Variants in LEKR1 observed in about 807,000 individuals in gnomAD.
LEKR1 encodes protein LEKR1.
Under a neutral mutation model 72.4 loss-of-function variants are expected in LEKR1, and 59 were observed. The observed-to-expected ratio is 0.82, with a 90% CI of 0.66 to 1.01. The LOEUF is 1.01. LEKR1 is among the 50% of genes least tolerant of loss of function. LEKR1 has a pLI of 0.00. For missense variants in LEKR1, 728 were observed against 759.2 expected (o/e 0.96, Z 0.48); for synonymous variants, 257 against 263.2 (o/e 0.98, Z 0.23).
At position 157,003,328 on chromosome 3, in the gene LEKR1, T is replaced by C. The variant is rs1732155555; in HGVS notation, c.1110-8085T>C. Among the ~76,000 whole-genome samples the C allele has an allele frequency of 2.6e-5, 4 of 152,238 alleles. 1 individual carries two copies. The South Asian group carries it at 8.3e-4, about 31-fold the overall frequency. ...TCATATTATTGCTGAAGCTGTACAA[T>C]ACCACTTATAGGAAGACCATTGTAT... is the stretch of plus-strand genomic sequence containing the variant. On this transcript the variant is annotated intron_variant, in intron 9 of 12. Coordinates refer to ENST00000356539, the MANE Select transcript of LEKR1 (RefSeq NM_001004316.3).
At chr3:156,841,803 C>T (rs1251437626) in intron 2 of LEKR1, among the ~76,000 whole-genome samples, 1 of 152,158 alleles carries the variant, frequency 6.6e-6, no homozygotes, top group Admixed American at 6.5e-5. Flanking sequence ...TTCCTAGTGA[C>T]TGGGCAGTGT....
At chr3:156,957,000 T>C (rs531148661) in intron 6 of LEKR1, among the ~76,000 whole-genome samples, 1 of 152,074 alleles carries the variant, frequency 6.6e-6, no homozygotes. Context: ...CTTCATTTGG[T>C]GACATAAGTT....
intron 10 of LEKR1, among the ~76,000 whole-genome samples, chr3:157,023,518 A>G (rs1733980824): frequency 6.6e-6 from 1 of 152,196 alleles, no homozygotes; most frequent in South Asian, 2.1e-4. Flanking sequence ...AGTCAGTAGT[A>G]GAGACTGAAG....
intron 9 of LEKR1, among the ~76,000 whole-genome samples, chr3:157,010,808 T>C (rs1732829597): frequency 6.6e-6 from 1 of 152,100 alleles, no homozygotes; most frequent in Non-Finnish European, 1.5e-5. Context: ...GATCTGCTTA[T>C]GTGGATTAAG....
chr3:156,949,106 A>G (rs1726933535), intron 6 of LEKR1, among the ~76,000 whole-genome samples: 1 of 151,238 alleles, frequency 6.6e-6, no homozygotes, highest in African/African-American at 2.4e-5. Flanking sequence ...CCCATTCTGT[A>G]AGTTGTCTGT....
chr3:156,921,794 C>T (rs7635251), intron 4 of LEKR1, among the ~76,000 whole-genome samples: 14 of 152,278 alleles, frequency 9.2e-5, no homozygotes, highest in African/African-American at 3.1e-4. Flanking sequence ...TGGACTGGGA[C>T]TAGACCAAAT....
At chr3:157,010,507 A>G (rs890494261) in intron 9 of LEKR1, among the ~76,000 whole-genome samples, 11 of 152,066 alleles carry the variant, frequency 7.2e-5, no homozygotes, top group African/African-American at 2.7e-4. Flanking sequence ...TTGAACATGC[A>G]ATTATAAATC....
At chr3:156,915,644 T>C (rs1285610964) in intron 3 of LEKR1, among the ~76,000 whole-genome samples, 3 of 152,092 alleles carry the variant, frequency 2.0e-5, no homozygotes, top group Admixed American at 1.3e-4. Flanking sequence ...GAGTTCCTTA[T>C]ACATGCTGCA....
In LEKR1 at chr3:156,970,387, G is replaced by C. The variant is rs575087120; in HGVS notation, c.746-8807G>C. Among the ~76,000 whole-genome samples the C allele has an allele frequency of 2.6e-5, 4 of 152,266 alleles. No homozygotes were observed. In the East Asian group the frequency reaches 7.7e-4, roughly 29 times the overall value. On this transcript the variant is annotated intron_variant, in intron 6 of 12. Coordinates refer to ENST00000356539, the MANE Select transcript of LEKR1 (RefSeq NM_001004316.3). ...TGTTGCCATTGCTTTTGGTGTTTTG[G>C]ACATGAAGTCCTTGCCCATGCCTAT...
intron 3 of LEKR1, among the ~76,000 whole-genome samples, chr3:156,865,899 G>A (rs1023723329): frequency 6.6e-6 from 1 of 151,954 alleles, no homozygotes; most frequent in Non-Finnish European, 1.5e-5. Flanking sequence ...GTTTAGCTGA[G>A]ATGCCAGATC....
At chr3:156,974,894 A>G (rs1729555523) in intron 6 of LEKR1, among the ~76,000 whole-genome samples, 1 of 152,166 alleles carries the variant, frequency 6.6e-6, no homozygotes, top group Non-Finnish European at 1.5e-5. Flanking sequence ...AAAGATAGCT[A>G]CTGGTGACAC....
At chr3:156,937,727 A>T (rs1002072130) in intron 5 of LEKR1, among the ~76,000 whole-genome samples, 1 of 152,340 alleles carries the variant, frequency 6.6e-6, no homozygotes, top group Admixed American at 6.5e-5. Context: ...AAGTGTTCAT[A>T]GCGGCTGTAG....
chr3:156,974,983 A>C (rs908019148), intron 6 of LEKR1, among the ~76,000 whole-genome samples: 3 of 152,166 alleles, frequency 2.0e-5, no homozygotes, highest in African/African-American at 7.2e-5. Flanking sequence ...AGTAGCCTTC[A>C]TGCCACCACC....
chr3:156,917,571 C>A (rs997345686), intron 3 of LEKR1, among the ~76,000 whole-genome samples: 3 of 152,126 alleles, frequency 2.0e-5, no homozygotes, highest in African/African-American at 7.2e-5. Context: ...GATTTCTCAG[C>A]AGCATCACTG....
At chr3:156,985,649 C>A (rs1301612581) in intron 7 of LEKR1, among the ~76,000 whole-genome samples, 5 of 151,934 alleles carry the variant, frequency 3.3e-5, no homozygotes, top group African/African-American at 1.2e-4. Flanking sequence ...ACTTGGCCAC[C>A]ATGGTGAAAC....
chr3:156,915,720 C>T (rs1475070153), intron 3 of LEKR1, among the ~76,000 whole-genome samples: 1 of 152,010 alleles, frequency 6.6e-6, no homozygotes, highest in African/African-American at 2.4e-5. Context: ...TGTCTGTTTA[C>T]TCTGTCGATA....
chr3:157,023,626 C>A (rs1033235092), intron 10 of LEKR1, among the ~76,000 whole-genome samples: 2 of 152,124 alleles, frequency 1.3e-5, no homozygotes, highest in African/African-American at 4.8e-5. Context: ...CATAACAGCC[C>A]CTAAGGGAAC....
chr3:157,045,257 C>G (rs1735666046), intron 12 of LEKR1, 83 bp from the exon 13 acceptor site: 1 of 1,181,932 alleles, frequency 8.5e-7, no homozygotes, highest in African/African-American at 1.5e-5. Context: ...CAGTTCTGTT[C>G]TCAAATTGTA....
chr3:156,976,216 A>G (rs1729676449), intron 6 of LEKR1, among the ~76,000 whole-genome samples: 1 of 152,212 alleles, frequency 6.6e-6, no homozygotes, highest in Non-Finnish European at 1.5e-5. Flanking sequence ...TTTACTGTCT[A>G]TTATTCTACT....
Sources: allele counts gnomAD v4.1 joint callset (sites outside exome capture counted in the v4.1 genomes callset), GRCh38; gene constraint gnomAD v4.1.1; transcripts MANE v1.5; gene names NCBI Gene and HGNC (gene_info 2026-07-23, HGNC 2026-07-21).